Variants in CLVS1 observed in about 807,000 individuals in gnomAD.
The protein encoded by CLVS1 is clavesin-1.
CLVS1 carries 10 observed loss-of-function variants against 33.1 expected under a neutral mutation model. That is an observed-to-expected ratio of 0.30 (90% CI 0.19 to 0.51). The LOEUF (loss-of-function observed/expected upper bound fraction) is 0.51. Among genes scored for constraint, CLVS1 ranks in the 20% least tolerant of loss-of-function variants. The pLI is 0.97. For missense variants in CLVS1, 343 were observed against 433.4 expected (o/e 0.79, Z 1.85); for synonymous variants, 163 against 166.1 (o/e 0.98, Z 0.14).
In CLVS1 at chr8:61,299,773, G is replaced by C; in HGVS notation, c.-55G>C. 7.5e-7 allele frequency: 1 copy of C among 1,340,694 alleles called. No individual in the cohort carries two copies. The highest frequency in any genetic ancestry group is 1.0e-6 in the Non-Finnish European group (1 of 959,086). 83.0% of individuals were successfully genotyped at this position (1,340,694 alleles called of 1,614,324 possible). Reference sequence around the variant, plus strand: ...CCCTCTATTTGTCTGTTCCGGGGCAGCCTGGTAGTAAAACACTGTTGAATG... The same window carrying C: ...CCCTCTATTTGTCTGTTCCGGGGCACCCTGGTAGTAAAACACTGTTGAATG... On this transcript the variant is annotated 5_prime_UTR_variant, in exon 2 of 6. Transcript: ENST00000325897.
chr8:60,981,505 G>A, the CLVS1 span, among the ~76,000 whole-genome samples: 1 of 152,228 alleles, frequency 6.6e-6, no homozygotes, highest in Non-Finnish European at 1.5e-5. Context: ...TGGGGATCAC[G>A]TGTTGTCCAC....
the CLVS1 span, among the ~76,000 whole-genome samples, chr8:61,043,917 T>C: frequency 6.6e-6 from 1 of 152,184 alleles, no homozygotes; most frequent in African/African-American, 2.4e-5. Flanking sequence ...TACCTTATTC[T>C]TAGTAAGGAA....
intron 2 of CLVS1, among the ~76,000 whole-genome samples, chr8:61,282,132 C>T (rs569383181): frequency 1.8e-4 from 27 of 152,296 alleles, no homozygotes; most frequent in African/African-American, 6.5e-4. Flanking sequence ...CTTAACTGAG[C>T]GGACTACTCT....
intron 2 of CLVS1, among the ~76,000 whole-genome samples, chr8:61,355,500 G>C (rs576589610): frequency 2.6e-5 from 4 of 152,050 alleles, no homozygotes; most frequent in Non-Finnish European, 5.9e-5. Flanking sequence ...TGCCATGCTG[G>C]TGTGCTGCAC....
chr8:61,345,947 G>A (rs1314632440), intron 2 of CLVS1, among the ~76,000 whole-genome samples: 1 of 152,054 alleles, frequency 6.6e-6, no homozygotes, highest in African/African-American at 2.4e-5. Flanking sequence ...CAAGAGTGAT[G>A]CTGCTGCACC....
chr8:61,118,140 A>C (rs1323974561), intron 1 of CLVS1, among the ~76,000 whole-genome samples: 2 of 151,212 alleles, frequency 1.3e-5, no homozygotes, highest in African/African-American at 4.9e-5. Context: ...TTTCTTCTAG[A>C]TTTTCTAGTT....
At chr8:61,221,045 C>G (rs77597499) in intron 2 of CLVS1, among the ~76,000 whole-genome samples, 1 of 152,162 alleles carries the variant, frequency 6.6e-6, no homozygotes. Flanking sequence ...TATCCTGAGA[C>G]TTCGCTGAAG....
intron 2 of CLVS1, among the ~76,000 whole-genome samples, chr8:61,184,099 A>G (rs889562012): frequency 2.0e-5 from 3 of 152,126 alleles, no homozygotes; most frequent in African/African-American, 7.2e-5. Context: ...GCCAGAACCT[A>G]CTTGACCCCT....
intron 2 of CLVS1, among the ~76,000 whole-genome samples, chr8:61,220,354 T>C (rs1808181466): frequency 6.6e-6 from 1 of 152,112 alleles, no homozygotes; most frequent in Non-Finnish European, 1.5e-5. Flanking sequence ...AAGGAAGGGG[T>C]CCGGTTTCAG....
At chr8:61,416,864 A>G (rs1815459215) in intron 3 of CLVS1, among the ~76,000 whole-genome samples, 1 of 152,180 alleles carries the variant, frequency 6.6e-6, no homozygotes, top group Non-Finnish European at 1.5e-5. Context: ...GATGAAATTT[A>G]GTCTTGTGAG....
At chr8:61,357,286 A>G (rs1812753738) in intron 2 of CLVS1, among the ~76,000 whole-genome samples, 1 of 152,044 alleles carries the variant, frequency 6.6e-6, no homozygotes, top group South Asian at 2.1e-4. Flanking sequence ...TCATTTTTTT[A>G]AAGTCAACGA....
intron 5 of CLVS1, among the ~76,000 whole-genome samples, chr8:61,462,375 GTTTGT>G (rs555190486): frequency 2.6e-5 from 4 of 152,038 alleles, no homozygotes; most frequent in East Asian, 1.9e-4. Flanking sequence ...TTGTTTGTTT[GTTTGT>G]TTTGTTTTGT....
the CLVS1 span, among the ~76,000 whole-genome samples, chr8:60,996,362 C>G: frequency 6.6e-6 from 1 of 152,158 alleles, no homozygotes; most frequent in Admixed American, 6.5e-5. Flanking sequence ...TCTGCCTGAG[C>G]CATTTGGGTT....
intron 2 of CLVS1, among the ~76,000 whole-genome samples, chr8:61,198,159 G>T (rs994531271): frequency 6.6e-6 from 1 of 152,084 alleles, no homozygotes. Context: ...ATCTTTCTTT[G>T]CCCTGTCCTT....
chr8:61,051,327 T>C, the CLVS1 span, among the ~76,000 whole-genome samples: 4 of 152,216 alleles, frequency 2.6e-5, no homozygotes, highest in Non-Finnish European at 5.9e-5. Context: ...AAGGAGGACA[T>C]TGGACTTGAG....
intron 1 of CLVS1, among the ~76,000 whole-genome samples, chr8:61,292,747 A>G (rs1299759425): frequency 1.3e-5 from 2 of 152,200 alleles, no homozygotes; most frequent in East Asian, 1.9e-4. Flanking sequence ...TTTGTTTAAG[A>G]TACATTGAGG....
intron 2 of CLVS1, among the ~76,000 whole-genome samples, chr8:61,354,190 C>A (rs1221970429): frequency 1.3e-5 from 2 of 152,036 alleles, no homozygotes; most frequent in African/African-American, 4.8e-5. Flanking sequence ...CTTGCATGTT[C>A]TCTTCTAGCT....
chr8:61,357,348 A>G (rs560631120), intron 2 of CLVS1, among the ~76,000 whole-genome samples: 2 of 152,230 alleles, frequency 1.3e-5, no homozygotes, highest in African/African-American at 2.4e-5. Context: ...ATTGATGCAT[A>G]CATATGCATA....
At chr8:61,176,507 T>C (rs770736000) in intron 2 of CLVS1, among the ~76,000 whole-genome samples, 226 of 149,810 alleles carry the variant, frequency 1.5e-3, no homozygotes, top group South Asian at 1.5e-3. Context: ...ATGATTATGA[T>C]TTTTTTTTTT....
Sources: allele counts gnomAD v4.1 joint callset (sites outside exome capture counted in the v4.1 genomes callset), GRCh38; gene constraint gnomAD v4.1.1; transcripts MANE v1.5; gene names NCBI Gene and HGNC (gene_info 2026-07-23, HGNC 2026-07-21).